ARID4B: variants seen among roughly 807,000 people sequenced by gnomAD.
The protein encoded by ARID4B is AT-rich interactive domain-containing protein 4B.
Under a neutral mutation model 147.5 loss-of-function variants are expected in ARID4B, and 26 were observed. That is an observed-to-expected ratio of 0.18 (90% CI 0.13 to 0.24). ARID4B has a LOEUF of 0.24. Ranked by LOEUF, ARID4B falls within the 10% of genes least tolerant of loss-of-function variation. The pLI is 1.00. For missense variants in ARID4B, 1,179 were observed against 1,511.5 expected (o/e 0.78, Z 3.65); for synonymous variants, 512 against 507.9 (o/e 1.01, Z -0.11).
chr1:235,291,713 T>C (rs1282931534), intron 2 of ARID4B, among the ~76,000 whole-genome samples: 6 of 151,872 alleles, frequency 4.0e-5, no homozygotes, highest in South Asian at 4.1e-4. Context: ...CCGGGTGACA[T>C]AGCAAGACTG....
chr1:235,270,825 T>C (rs904406904), intron 2 of ARID4B, among the ~76,000 whole-genome samples: 3 of 150,096 alleles, frequency 2.0e-5, no homozygotes, highest in African/African-American at 7.4e-5. Context: ...AACAGCACTC[T>C]CAGAACATAA....
chr1:235,170,883 G>A (rs1283805786), intron 23 of ARID4B, among the ~76,000 whole-genome samples: 7 of 137,642 alleles, frequency 5.1e-5, no homozygotes, highest in African/African-American at 1.9e-4. Flanking sequence ...CTGCACTCCA[G>A]CCTGGTGACT....
chr1:235,308,760 G>A (rs1673776308), intron 2 of ARID4B, among the ~76,000 whole-genome samples: 1 of 152,128 alleles, frequency 6.6e-6, no homozygotes, highest in South Asian at 2.1e-4. Context: ...TGCAGACGGA[G>A]TCTGGTTCAC....
chr1:235,322,914 C>G (rs1051964147), intron 2 of ARID4B, among the ~76,000 whole-genome samples: 9 of 151,868 alleles, frequency 5.9e-5, no homozygotes, highest in African/African-American at 2.2e-4. Flanking sequence ...TACACACACA[C>G]AGGGCATTAA....
intron 8 of ARID4B, among the ~76,000 whole-genome samples, chr1:235,236,828 TAA>T (rs767176715): frequency 0.1 from 4,824 of 46,158 alleles, 824 homozygotes; most frequent in African/African-American, 0.13. Context: ...AACGGTTTTA[TAA>T]AAAATATATA....
At chr1:235,223,092 A>G in intron 13 of ARID4B, 74 bp downstream of exon 13, 1 of 1,030,420 alleles carries the variant, frequency 9.7e-7, no homozygotes, top group South Asian at 1.5e-5. Context: ...TTAGAAAAAC[A>G]ATTTCAGAGA....
chr1:235,222,381 A>G (rs1667529296), intron 13 of ARID4B, among the ~76,000 whole-genome samples: 1 of 152,250 alleles, frequency 6.6e-6, no homozygotes, highest in Non-Finnish European at 1.5e-5. Context: ...AAAGTATTTT[A>G]TTCCATAGAA....
At chr1:235,249,658 G>A (rs184601559) in intron 6 of ARID4B, among the ~76,000 whole-genome samples, 8 of 151,822 alleles carry the variant, frequency 5.3e-5, no homozygotes, top group Non-Finnish European at 5.9e-5. Context: ...TTAGCTGGGC[G>A]TGGCCGGGCA....
At chr1:235,298,477 A>C (rs1383691868) in intron 2 of ARID4B, among the ~76,000 whole-genome samples, 1 of 149,086 alleles carries the variant, frequency 6.7e-6, no homozygotes, top group Non-Finnish European at 1.5e-5. Context: ...ATATATATGA[A>C]TATAACGTAT....
Position 235,182,406 on chromosome 1 carries a change from G to A in ARID4B, c.2513C>T (p.Ser838Leu). ...GGCCTTCTCTTCCTTTTTGCCAGGT[G>A]ATCCAGTTTTTAGACACTCTTCTGT... ...CNTEECLKTG[S>L]PGKKEEKAKN... The change falls in exon 20 of 24, where the codon TCA (serine) becomes TTA (leucine). Residue 838 changes from serine to leucine, a missense_variant. Ser to Leu is a moderately radical substitution (Grantham distance 145). Around this residue, in one of 10 missense-constraint regions of ARID4B, gnomAD observed 321 missense variants for 342.4 expected, o/e 0.94. Coordinates refer to ENST00000264183, the MANE Select transcript of ARID4B (RefSeq NM_016374.6). 3 of 1,608,058 alleles carry A rather than the reference G, an allele frequency of 1.9e-6. No individual in the cohort carries two copies. The highest frequency in any genetic ancestry group is 2.5e-6 in the Non-Finnish European group (3 of 1,178,586).
At chr1:235,173,794 A>ATATATATATG (rs1663622921) in intron 22 of ARID4B, among the ~76,000 whole-genome samples, 1 of 78,428 alleles carries the variant, frequency 1.3e-5, no homozygotes, top group African/African-American at 5.1e-5. Flanking sequence ...ATATATATAT[A>ATATATATATG]TATATATATA....
At chr1:235,222,678 C>CTTTTTTT (rs35090143) in intron 13 of ARID4B, among the ~76,000 whole-genome samples, 3 of 130,768 alleles carry the variant, frequency 2.3e-5, no homozygotes, top group African/African-American at 5.8e-5. Context: ...GAAAAAAAAT[C>CTTTTTTT]TTTTTTTTTT....
At chr1:235,283,814 C>A (rs1176678259) in intron 2 of ARID4B, among the ~76,000 whole-genome samples, 1 of 152,150 alleles carries the variant, frequency 6.6e-6, no homozygotes, top group Non-Finnish European at 1.5e-5. Context: ...CGGCTCACTG[C>A]AACCTCCGCC....
rs57144396 is a variant in ARID4B, at chr1:235,218,959, G to T, written c.1583+834C>A. On this transcript the variant is annotated intron_variant, in intron 16 of 23. Coordinates refer to ENST00000264183, the MANE Select transcript of ARID4B (RefSeq NM_016374.6). ...CAGCTCACTGCAACCTCTGCCTCCA[G>T]GGTTCAAGAGATTCTCCTGCCTCAC... 3.5e-3 allele frequency among the ~76,000 whole-genome samples: 518 copies of T among 148,668 alleles called. 1 individual carries two copies. Among genetic ancestry groups the T allele is most frequent in the African/African-American group, 0.012 (491 of 40,546 alleles).
intron 18 of ARID4B, among the ~76,000 whole-genome samples, chr1:235,194,761 G>A (rs1292901539): frequency 6.6e-6 from 1 of 152,140 alleles, no homozygotes; most frequent in African/African-American, 2.4e-5. Context: ...GGAGGTTGCG[G>A]TGAGCCAAGA....
chr1:235,261,414 C>G (rs1386678269), intron 2 of ARID4B, among the ~76,000 whole-genome samples: 1 of 152,134 alleles, frequency 6.6e-6, no homozygotes, highest in African/African-American at 2.4e-5. Context: ...CTCCTAGCTA[C>G]TTGGGAGACT....
Position 235,181,820 on chromosome 1 carries a change from G to T in ARID4B, c.3099C>A (p.Val1033=), listed in dbSNP as rs373076833. 1.2e-6 allele frequency: 2 copies of T among 1,614,130 alleles called. No individual in the cohort carries two copies. Among genetic ancestry groups the T allele is most frequent in the South Asian group, 1.1e-5 (1 of 91,066 alleles). ...GCTGCCGGCTGCCTTCTGTTACAGT[G>T]ACTGATGAAGGCGATTCAGGTGTAG... is the stretch of plus-strand genomic sequence containing the variant. ...PPTTPESPSS[V]TVTEGSRQQS... is the part of the protein sequence containing the mutation. Residue 1033 remains valine (V), a synonymous_variant, in exon 20 of 24, where the codon GTC becomes GTA. Transcript: ENST00000264183.
chr1:235,238,153 A>AAAAAAAAAAAGAAAAGAAAAGAAAAG (rs61179792), intron 8 of ARID4B, among the ~76,000 whole-genome samples: 9 of 141,808 alleles, frequency 6.3e-5, no homozygotes, highest in African/African-American at 2.3e-4. Flanking sequence ...CAAAAAAAAA[A>AAAAAAAAAAAGAAAAGAAAAGAAAAG]AAAAGAAAAG....
intron 7 of ARID4B, among the ~76,000 whole-genome samples, chr1:235,246,200 T>C (rs976984954): frequency 6.6e-6 from 1 of 152,262 alleles, no homozygotes; most frequent in Non-Finnish European, 1.5e-5. Context: ...CAAGATAACA[T>C]GCAGGGAGAA....
Sources: gnomAD v4.1 joint callset for allele counts (sites outside exome capture counted in the v4.1 genomes callset) on GRCh38, gnomAD v4.1.1 for gene constraint, gnomAD v4.1.1 regional missense constraint, MANE v1.5 for transcripts, NCBI Gene and HGNC (gene_info 2026-07-23, HGNC 2026-07-21) for gene names.